WWTR1: variants seen among roughly 807,000 people sequenced by gnomAD.
The protein encoded by WWTR1 is WW domain containing transcription regulator 1.
In WWTR1, 13 loss-of-function variants were observed where a neutral mutation model predicts 40.1. The ratio of observed to expected loss-of-function variants is 0.32; its 90% CI spans 0.21 to 0.52. The LOEUF (loss-of-function observed/expected upper bound fraction) is 0.52. Among genes scored for constraint, WWTR1 ranks in the 20% least tolerant of loss-of-function variants. WWTR1 has a pLI of 0.97. For synonymous variants in WWTR1, 230 were observed against 210.1 expected (o/e 1.09, Z -0.82); for missense variants, 436 against 523.1 (o/e 0.83, Z 1.63).
chr3:149,602,490 C>G (rs1352234412), intron 2 of WWTR1, among the ~76,000 whole-genome samples: 3 of 152,176 alleles, frequency 2.0e-5, no homozygotes, highest in African/African-American at 7.2e-5. Flanking sequence ...TGGGGACATT[C>G]CGACTCAGTC....
chr3:149,632,368 C>T (rs935567690), intron 2 of WWTR1, among the ~76,000 whole-genome samples: 7 of 152,126 alleles, frequency 4.6e-5, no homozygotes, highest in South Asian at 2.1e-4. Flanking sequence ...AACGAGGAAA[C>T]GTGCTTCCTG....
At chr3:149,564,405 T>C (rs1046060071) in intron 3 of WWTR1, among the ~76,000 whole-genome samples, 6 of 152,034 alleles carry the variant, frequency 3.9e-5, no homozygotes, top group African/African-American at 1.4e-4. Context: ...TTAATACACA[T>C]GGGGCCTGGA....
At chr3:149,593,230 G>GA (rs1738818882) in intron 2 of WWTR1, among the ~76,000 whole-genome samples, 1 of 152,224 alleles carries the variant, frequency 6.6e-6, no homozygotes. Flanking sequence ...AGAAGACCAT[G>GA]AAAACCAACC....
chr3:149,583,661 C>T, intron 2 of WWTR1, among the ~76,000 whole-genome samples: 1 of 152,194 alleles, frequency 6.6e-6, no homozygotes, highest in East Asian at 1.9e-4. Flanking sequence ...TATTTCTACA[C>T]CCAAGATCCA....
chr3:149,640,010 A>AAAAGAAAGAAAG (rs1179547242), intron 2 of WWTR1, among the ~76,000 whole-genome samples: 7 of 140,340 alleles, frequency 5.0e-5, no homozygotes, highest in African/African-American at 1.5e-4. Flanking sequence ...AAAAAAAAAA[A>AAAAGAAAGAAAG]AAAGAAAGAA....
At chr3:149,676,232 GA>G (rs1290900146) in intron 1 of WWTR1, among the ~76,000 whole-genome samples, 1 of 145,540 alleles carries the variant, frequency 6.9e-6, no homozygotes, top group Non-Finnish European at 1.5e-5. Flanking sequence ...TTCAGAACAG[GA>G]ATTCTGATTT....
At chr3:149,571,575 C>T (rs1737631936) in intron 3 of WWTR1, among the ~76,000 whole-genome samples, 2 of 152,184 alleles carry the variant, frequency 1.3e-5, no homozygotes, top group Non-Finnish European at 2.9e-5. Context: ...TGTACATCTG[C>T]AAGCTTTAAA....
At chr3:149,644,898 C>A (rs1971537) in intron 2 of WWTR1, among the ~76,000 whole-genome samples, 1 of 151,842 alleles carries the variant, frequency 6.6e-6, no homozygotes, top group Non-Finnish European at 1.5e-5. Context: ...TGTGGCCCAG[C>A]CTGGAATGCA....
intron 2 of WWTR1, among the ~76,000 whole-genome samples, chr3:149,631,839 G>A (rs1711560287): frequency 6.6e-6 from 1 of 152,162 alleles, no homozygotes; most frequent in Admixed American, 6.5e-5. Context: ...CTGCAACTAG[G>A]GTGGTGATCC....
chr3:149,693,339 A>G (rs912930299), intron 1 of WWTR1, among the ~76,000 whole-genome samples: 1 of 152,260 alleles, frequency 6.6e-6, no homozygotes, highest in African/African-American at 2.4e-5. Flanking sequence ...AAGGACACAA[A>G]TAAATGGAAA....
chr3:149,627,918 G>A (rs879559389), intron 2 of WWTR1, among the ~76,000 whole-genome samples: 1 of 151,640 alleles, frequency 6.6e-6, no homozygotes, highest in Non-Finnish European at 1.5e-5. Context: ...TACTAAAAAA[G>A]CAAAATTAGC....
At chr3:149,693,890 A>C (rs1039508313) in intron 1 of WWTR1, among the ~76,000 whole-genome samples, 7 of 152,194 alleles carry the variant, frequency 4.6e-5, no homozygotes, top group African/African-American at 1.7e-4. Flanking sequence ...TGGATTAAAG[A>C]CTTAAATATA....
chr3:149,712,302 T>A (rs746673103), intron 5 of WWTR1, among the ~76,000 whole-genome samples: 3 of 152,100 alleles, frequency 2.0e-5, no homozygotes, highest in Non-Finnish European at 4.4e-5. Context: ...ATCCTTGCTA[T>A]AAAATAAAAT....
At chr3:149,524,828 TG>T (rs1560043230) in intron 6 of WWTR1, among the ~76,000 whole-genome samples, 2 of 152,280 alleles carry the variant, frequency 1.3e-5, no homozygotes, top group African/African-American at 4.8e-5. Flanking sequence ...GCAAACACTT[TG>T]GGGGAAGGAA....
At chr3:149,594,566 T>A (rs951699049) in intron 2 of WWTR1, among the ~76,000 whole-genome samples, 5 of 152,296 alleles carry the variant, frequency 3.3e-5, no homozygotes, top group Admixed American at 6.5e-5. Context: ...TCGTGTGTGA[T>A]AGTGGTCTAA....
intron 1 of WWTR1, among the ~76,000 whole-genome samples, chr3:149,670,604 A>G (rs1353802238): frequency 6.9e-5 from 10 of 145,918 alleles, no homozygotes; most frequent in Non-Finnish European, 1.5e-4. Context: ...AGATCATGCC[A>G]CCGCACTCCA....
upstream of WWTR1, chr3:149,659,920 C>CTTT (rs768099838): frequency 0.34 from 45,552 of 133,506 alleles, 7,961 homozygotes; most frequent in Middle Eastern, 0.47. Flanking sequence ...ACGTATCATC[C>CTTT]TTTTTTTTTT....
At chr3:149,696,216 G>A (rs1256505840) in intron 1 of WWTR1, among the ~76,000 whole-genome samples, 1 of 151,470 alleles carries the variant, frequency 6.6e-6, no homozygotes, top group East Asian at 1.9e-4. Flanking sequence ...AACAAATGCA[G>A]GCCGAATTTA....
At chr3:149,526,446 T>C (rs1327217838) in intron 5 of WWTR1, among the ~76,000 whole-genome samples, 2 of 152,066 alleles carry the variant, frequency 1.3e-5, no homozygotes, top group African/African-American at 4.8e-5. Context: ...TGAATATTGC[T>C]TATGGATACA....
Sources: gnomAD v4.1 joint callset for allele counts (sites outside exome capture counted in the v4.1 genomes callset) on GRCh38, gnomAD v4.1.1 for gene constraint, MANE v1.5 for transcripts, NCBI Gene and HGNC (gene_info 2026-07-23, HGNC 2026-07-21) for gene names.